The following CLYBL variants were observed in gnomAD, a reference collection of about 807,000 sequenced individuals.
The protein encoded by CLYBL is citramalyl-CoA lyase, also known as citramalyl-CoA lyase, mitochondrial.
Under a neutral mutation model 38.9 loss-of-function variants are expected in CLYBL, and 31 were observed. The ratio of observed to expected loss-of-function variants is 0.80; its 90% CI spans 0.60 to 1.08. The LOEUF (loss-of-function observed/expected upper bound fraction) is 1.08, where lower values mean the gene tolerates loss of function less well. CLYBL is among the 50% of genes least tolerant of loss of function. The pLI is 0.00. For missense variants in CLYBL, 434 were observed against 411.6 expected, an observed-to-expected ratio of 1.05 and a Z score of -0.47; for synonymous variants, 171 against 158.6, an observed-to-expected ratio of 1.08 and a Z score of -0.59.
chr13:99,621,146 C>G (rs1319993321), intron 1 of CLYBL, among the ~76,000 whole-genome samples: 1 of 152,164 alleles, frequency 6.6e-6, no homozygotes, highest in African/African-American at 2.4e-5. Context: ...CATAAATACA[C>G]TTTTTAAGCT....
At position 99,871,048 on chromosome 13, in the gene CLYBL, C is replaced by T. The variant is rs749855185; in HGVS notation, c.913C>T (p.Gln305Ter). Residue 305 changes from glutamine (Q) to a stop codon, truncating the protein, a stop_gained, in exon 7 of 9, where the codon CAA becomes TAA. Coordinates refer to ENST00000339105, the MANE Select transcript of CLYBL (RefSeq NM_206808.5). LOFTEE classifies it high-confidence loss of function. Reference protein sequence around the residue: ...EELIAAFKEHQQLGKGAFTFQ... With the variant: ...EELIAAFKEH ...ACTGATTGCTGCCTTTAAAGAACAT[C>T]AACAATTAGGAAAGGTAAATGTTTT... is the stretch of plus-strand genomic sequence containing the variant. The T allele has an allele frequency of 1.3e-5, 21 of 1,613,870 alleles. No individual in the cohort carries two copies. Among genetic ancestry groups the T allele is most frequent in the Non-Finnish European group, 1.0e-5 (12 of 1,179,876 alleles).
chr13:99,786,038 A>G (rs1027475327), intron 2 of CLYBL, among the ~76,000 whole-genome samples: 6 of 152,056 alleles, frequency 3.9e-5, no homozygotes, highest in Non-Finnish European at 8.8e-5. Context: ...AGTTGTCCCA[A>G]TACAATTATA....
intron 1 of CLYBL, among the ~76,000 whole-genome samples, chr13:99,743,564 A>G (rs1250293435): frequency 6.6e-6 from 1 of 152,198 alleles, no homozygotes; most frequent in African/African-American, 2.4e-5. Flanking sequence ...TAGGCGCCAT[A>G]ACTGGGATTA....
intron 4 of CLYBL, among the ~76,000 whole-genome samples, chr13:99,863,553 T>C (rs1233514184): frequency 2.0e-5 from 3 of 152,232 alleles, no homozygotes; most frequent in Non-Finnish European, 4.4e-5. Context: ...GTTTGTAAGT[T>C]CATGCACACA....
chr13:99,742,892 T>A (rs192753851), intron 1 of CLYBL, among the ~76,000 whole-genome samples: 6 of 152,304 alleles, frequency 3.9e-5, no homozygotes, highest in Admixed American at 3.9e-4. Flanking sequence ...CTCCTCCTCC[T>A]TTCCTTCTGT....
chr13:99,750,458 A>G lies in CLYBL; in HGVS notation c.63-22366A>G, dbSNP rs138291456. ...CAACCTTTAGACAGGTGGATCACAC[A>G]AGGTCAGGGGTTCGAGACCAGCCTG... is the stretch of plus-strand genomic sequence containing the variant. On this transcript the variant is annotated intron_variant, in intron 1 of 8. Coordinates refer to ENST00000339105, the MANE Select transcript of CLYBL (RefSeq NM_206808.5). Among the ~76,000 whole-genome samples, 772 of 152,170 alleles carry G rather than the reference A, an allele frequency of 5.1e-3. 7 individuals are homozygous for G. The highest frequency in any genetic ancestry group is 0.018 in the African/African-American group (747 of 41,534).
rs979345001 is a variant in CLYBL, at chr13:99,865,321, C to T, written c.634+410C>T. 1.4e-4 allele frequency: 38 copies of T among 267,286 alleles called. No individual in the cohort carries two copies. Among genetic ancestry groups the T allele is most frequent in the Admixed American group, 3.5e-4 (7 of 20,188 alleles). The allele number at this position is 267,286 out of a possible 1,614,324, so 16.6% of individuals were successfully genotyped here. A position where few individuals can be genotyped will look rare whatever the true frequency, so the allele number is the denominator to read the frequency against. ...CAAATTTAAGGCAATTTCACATTTG[C>T]CTTAATGAATTGTTTTCTACAGAAT... On this transcript the variant is annotated intron_variant, in intron 5 of 8. Coordinates refer to ENST00000339105, the MANE Select transcript of CLYBL (RefSeq NM_206808.5). The surrounding 1 kb of genome is among the most constrained non-coding windows in gnomAD (Gnocchi z 4.7).
At chr13:99,665,830 A>G (rs1594108851) in intron 1 of CLYBL, among the ~76,000 whole-genome samples, 4 of 152,360 alleles carry the variant, frequency 2.6e-5, no homozygotes, top group Middle Eastern at 3.4e-3. Context: ...GATAAAACAG[A>G]TGGGATTCTC....
At chr13:99,612,594 C>T (rs1280843047) in intron 1 of CLYBL, among the ~76,000 whole-genome samples, 1 of 151,888 alleles carries the variant, frequency 6.6e-6, no homozygotes, top group Non-Finnish European at 1.5e-5. Flanking sequence ...CGCCATGTTG[C>T]CCAGGCTTGT....
intron 1 of CLYBL, among the ~76,000 whole-genome samples, chr13:99,693,704 CT>C (rs1318223129): frequency 6.6e-6 from 1 of 152,096 alleles, no homozygotes; most frequent in Non-Finnish European, 1.5e-5. Context: ...ACTCATACAT[CT>C]ACTTTAAGGG....
chr13:99,870,626 C>T (rs1202228493), intron 6 of CLYBL, among the ~76,000 whole-genome samples: 2 of 152,130 alleles, frequency 1.3e-5, no homozygotes, highest in Non-Finnish European at 2.9e-5. Context: ...CCAGCCAAAG[C>T]AGTTATTCAA....
intron 2 of CLYBL, among the ~76,000 whole-genome samples, chr13:99,843,473 A>G (rs935093887): frequency 5.9e-5 from 9 of 152,212 alleles, no homozygotes; most frequent in Non-Finnish European, 1.0e-4. Context: ...TGACTGGAAT[A>G]TAAGTTCCAT....
Position 99,743,756 on chromosome 13 carries a change from A to G in CLYBL, c.63-29068A>G, listed in dbSNP as rs189231509. 4.9e-3 allele frequency among the ~76,000 whole-genome samples: 740 copies of G among 152,322 alleles called. 15 individuals carry two copies. The highest frequency in any genetic ancestry group is 4.6e-3 in the Non-Finnish European group (316 of 68,032). On this transcript the variant is annotated intron_variant, in intron 1 of 8. Transcript: ENST00000339105. ...TCTTTCTTAATTAGTGGGAATCACA[A>G]TGGTATTTTGTAATTTAATTGTAAT...
intron 1 of CLYBL, among the ~76,000 whole-genome samples, chr13:99,708,902 G>C (rs991993857): frequency 1.4e-4 from 22 of 152,082 alleles, no homozygotes; most frequent in African/African-American, 5.3e-4. Context: ...AGATCAGCCT[G>C]GCCAATATGG....
At chr13:99,613,358 C>G (rs1382756915) in intron 1 of CLYBL, among the ~76,000 whole-genome samples, 1 of 152,118 alleles carries the variant, frequency 6.6e-6, no homozygotes, top group African/African-American at 2.4e-5. Flanking sequence ...AGCTAAGTAC[C>G]TGAGATTCTG....
intron 8 of CLYBL, among the ~76,000 whole-genome samples, chr13:99,904,469 C>T (rs943201075): frequency 3.5e-4 from 53 of 152,192 alleles, no homozygotes; most frequent in Non-Finnish European, 4.6e-4. Context: ...TGATTCCTCA[C>T]ACATGACCTA....
intron 1 of CLYBL, among the ~76,000 whole-genome samples, chr13:99,689,678 C>G (rs965061795): frequency 1.3e-5 from 2 of 152,180 alleles, no homozygotes; most frequent in African/African-American, 4.8e-5. Context: ...TTTACTATTA[C>G]TTTCTAAATG....
intron 1 of CLYBL, among the ~76,000 whole-genome samples, chr13:99,625,486 A>G (rs1176319986): frequency 6.6e-6 from 1 of 152,218 alleles, no homozygotes; most frequent in African/African-American, 2.4e-5. Flanking sequence ...ATTAGTAAAA[A>G]TGTTAATAAT....
chr13:99,819,462 ATATAT>A (rs1566340279), intron 2 of CLYBL, among the ~76,000 whole-genome samples: 772 of 40,260 alleles, frequency 0.019, 55 homozygotes, highest in African/African-American at 0.064. Flanking sequence ...ATATATATAT[ATATAT>A]AATATTTGTC....
Sources: allele counts gnomAD v4.1 joint callset (sites outside exome capture counted in the v4.1 genomes callset), GRCh38; gene constraint gnomAD v4.1.1; non-coding constraint Gnocchi (gnomAD v3.1); transcripts MANE v1.5; gene names NCBI Gene and HGNC (gene_info 2026-07-23, HGNC 2026-07-21).